The following TMC3 variants were observed in gnomAD, a reference collection of about 807,000 sequenced individuals.
The protein encoded by TMC3 is transmembrane channel-like protein 3.
TMC3 carries 98 observed loss-of-function variants against 110.6 expected under a neutral mutation model. The observed-to-expected ratio is 0.89, with a 90% CI of 0.75 to 1.05. The LOEUF is 1.05. Among genes scored for constraint, TMC3 ranks in the 50% least tolerant of loss-of-function variants. The pLI is 0.00. For missense variants in TMC3, 1,319 were observed against 1,373.2 expected (o/e 0.96, Z 0.62); for synonymous variants, 489 against 513.1 (o/e 0.95, Z 0.63).
intron 18 of TMC3, among the ~76,000 whole-genome samples, chr15:81,338,206 G>GAATTTTGCAGTCTATCAAGCTGCAACTGA (rs1893639074): frequency 6.6e-6 from 1 of 152,166 alleles, no homozygotes; most frequent in Non-Finnish European, 1.5e-5. Flanking sequence ...AAATGGGGGA[G>GAATTTTGCAGTCTATCAAGCTGCAACTGA]AAATTTTGCA....
rs887329364 is a variant in TMC3, at chr15:81,331,658, C to T, written c.*761G>A. ...ATTGGTCACAGCTGGCACCAGGGAA[C>T]GACAGTCTCCCAATAGATAGAAAAA... On this transcript the variant is annotated 3_prime_UTR_variant, in exon 22 of 22. Coordinates refer to ENST00000359440, the MANE Select transcript of TMC3 (RefSeq NM_001080532.3). 3.3e-5 allele frequency: 5 copies of T among 151,344 alleles called. No homozygotes were observed. The highest frequency in any genetic ancestry group is 1.3e-4 in the Admixed American group (2 of 15,264). 9.4% of individuals were successfully genotyped at this position (151,344 alleles called of 1,614,324 possible).
chr15:81,339,078 A>C (rs1893657607), intron 17 of TMC3, among the ~76,000 whole-genome samples: 1 of 152,260 alleles, frequency 6.6e-6, no homozygotes, highest in Non-Finnish European at 1.5e-5. Flanking sequence ...TATAGGAAAA[A>C]AAAGTGCTGT....
chr15:81,341,752 A>G, intron 15 of TMC3: 1 of 297,550 alleles, frequency 3.4e-6, no homozygotes, highest in South Asian at 6.1e-5. Flanking sequence ...TGCAAAGGAC[A>G]ACTGTTTGTC....
intron 2 of TMC3, among the ~76,000 whole-genome samples, chr15:81,369,125 C>T (rs1894380639): frequency 6.6e-6 from 1 of 151,960 alleles, no homozygotes; most frequent in African/African-American, 2.4e-5. Context: ...TGTTGAAAAA[C>T]TTAGTTCTTC....
intron 3 of TMC3, among the ~76,000 whole-genome samples, chr15:81,364,709 A>AT (rs200157815): frequency 0.035 from 5,015 of 144,426 alleles, 139 homozygotes; most frequent in East Asian, 0.16. Context: ...CCAAAAAAAA[A>AT]AAAATAAAAA....
At chr15:81,358,091 C>A in intron 7 of TMC3, 58 bp downstream of exon 7, 1 of 1,471,254 alleles carries the variant, frequency 6.8e-7, no homozygotes, top group South Asian at 1.4e-5. Context: ...TAAGAAAATA[C>A]TTCCATTACA....
chr15:81,339,643 A>G, intron 16 of TMC3, 139 bp from the exon 17 acceptor site: 1 of 670,562 alleles, frequency 1.5e-6, no homozygotes, highest in Non-Finnish European at 2.7e-6. Context: ...GTTACCTACA[A>G]ATGGATCTGT....
Position 81,340,722 on chromosome 15 carries a change from T to C in TMC3, c.1844+668A>G, listed in dbSNP as rs576343763. 7.2e-5 allele frequency among the ~76,000 whole-genome samples: 11 copies of C among 152,348 alleles called. No homozygotes were observed. The South Asian group carries it at 2.3e-3, about 32-fold the overall frequency. ...GTGCTATTTGCTAAAGGTGAACATATGCATGCCCTGTGTCCCAGCAATTGC... is the reference window on the plus strand; with the variant it reads ...GTGCTATTTGCTAAAGGTGAACATACGCATGCCCTGTGTCCCAGCAATTGC... On this transcript the variant is annotated intron_variant, in intron 16 of 21. Transcript: ENST00000359440.
intron 9 of TMC3, among the ~76,000 whole-genome samples, chr15:81,354,443 A>G (rs964225499): frequency 3.9e-5 from 6 of 152,310 alleles, no homozygotes; most frequent in South Asian, 4.1e-4. Flanking sequence ...CATTTCTTCT[A>G]TTCCCAGCGG....
In TMC3 at chr15:81,340,904, A is replaced by G. The variant is rs75517382; in HGVS notation, c.1844+486T>C. Among the ~76,000 whole-genome samples, 1,415 of 152,320 alleles carry G rather than the reference A, an allele frequency of 9.3e-3. 11 individuals are homozygous for G. The highest frequency in any genetic ancestry group is 0.014 in the Non-Finnish European group (986 of 68,022). On this transcript the variant is annotated intron_variant, in intron 16 of 21. Transcript: ENST00000359440. The stretch of plus-strand genomic sequence containing the variant: ...CAGTGAGTTGAATCTCACAAACACA[A>G]TGTTGCGTGTAAGCAGTTGGGCACA...
chr15:81,372,632 G>C lies in TMC3; in HGVS notation c.195C>G (p.Arg65=), dbSNP rs200943928. ...TCTGTCCCATAGTCCAGGGTCTGCA[G>C]CGAATGTTTGCCATGAGATCTTTCT... is the stretch of plus-strand genomic sequence containing the variant. ...QFQKDLMANI[R]CRPWTMGQKL... is the part of the protein sequence containing the mutation. Residue 65 remains arginine, a synonymous_variant, in exon 2 of 22, where the codon CGC becomes CGG. Transcript: ENST00000359440. 3.7e-6 allele frequency: 6 copies of C among 1,613,848 alleles called. No individual in the cohort carries two copies. In the East Asian group the frequency reaches 1.3e-4, roughly 36 times the overall value.
rs1272303202 is a variant in TMC3, at chr15:81,356,455, T to A, written c.883A>T (p.Ser295Cys). ...CAGGCTCACTCACTCACCCTGATGC[T>A]GTTCACTATGGCAGCTGTTTTGCTC... is the stretch of plus-strand genomic sequence containing the variant. ...AESKTAAIVN[S>C]IREAILEEQE... Residue 295 changes from serine (S) to cysteine (C), a missense_variant, in exon 8 of 22, where the codon AGC becomes TGC. Physicochemically the swap from Ser to Cys is moderately radical, Grantham distance 112. Coordinates refer to ENST00000359440, the MANE Select transcript of TMC3 (RefSeq NM_001080532.3). The A allele has an allele frequency of 1.3e-6, 2 of 1,567,438 alleles. No individual in the cohort carries two copies.
intron 3 of TMC3, 31 bp from the exon 4 acceptor site, chr15:81,362,332 C>A: frequency 1.3e-6 from 2 of 1,577,708 alleles, no homozygotes; most frequent in South Asian, 2.3e-5. Flanking sequence ...TTAGAGAGGT[C>A]ACGTACATGA....
chr15:81,352,285 A>C (rs532199884), intron 9 of TMC3, among the ~76,000 whole-genome samples: 1 of 152,334 alleles, frequency 6.6e-6, no homozygotes, highest in Admixed American at 6.5e-5. Context: ...CCATATAATG[A>C]ATCTGACATT....
At chr15:81,372,370 ACAC>A (rs1894454884) in intron 2 of TMC3, among the ~76,000 whole-genome samples, 1 of 137,254 alleles carries the variant, frequency 7.3e-6, no homozygotes, top group Non-Finnish European at 1.5e-5. Context: ...ACACACACAC[ACAC>A]ACACACACAC....
At chr15:81,342,688 T>G (rs1256664141) in intron 15 of TMC3, 1 of 152,216 alleles carries the variant, frequency 6.6e-6, no homozygotes, top group African/African-American at 2.4e-5. Context: ...TTTTGTTCGT[T>G]TGTTTGCTTG....
rs78814486 is a variant in TMC3 at position 81,373,225 on chromosome 15, G to A, written c.90-488C>T. ...CAGAAACCCCTCTTCACCCTTTCAC[G>A]TCAATTCATTTTAAGCCTGAGATAA... On this transcript the variant is annotated intron_variant, in intron 1 of 21. Coordinates refer to ENST00000359440, the MANE Select transcript of TMC3 (RefSeq NM_001080532.3). Among the ~76,000 whole-genome samples the A allele has an allele frequency of 1.2e-4, 19 of 152,170 alleles. No homozygotes were observed. In the East Asian group the frequency reaches 1.4e-3, roughly 11 times the overall value.
In TMC3 at chr15:81,357,881, C is replaced by T. The variant is rs555204136; in HGVS notation, c.743+268G>A. 7.9e-5 allele frequency among the ~76,000 whole-genome samples: 12 copies of T among 152,320 alleles called. No individual in the cohort carries two copies. The South Asian group carries it at 2.5e-3, about 32-fold the overall frequency. The stretch of plus-strand genomic sequence containing the variant: ...GCCCAATATAGGACCTAGTACAAAG[C>T]AGTAAGTGTTCAATAAGTACTTGTT... On this transcript the variant is annotated intron_variant, in intron 7 of 21. Transcript: ENST00000359440.
intron 7 of TMC3, among the ~76,000 whole-genome samples, chr15:81,357,695 A>G (rs1037490501): frequency 6.6e-6 from 1 of 152,202 alleles, no homozygotes; most frequent in African/African-American, 2.4e-5. Flanking sequence ...CAGAATTTGT[A>G]GCTAGGTCAC....
Sources: allele counts gnomAD v4.1 joint callset (sites outside exome capture counted in the v4.1 genomes callset), GRCh38; gene constraint gnomAD v4.1.1; transcripts MANE v1.5; gene names NCBI Gene and HGNC (gene_info 2026-07-23, HGNC 2026-07-21).